The following STPG2 variants were observed in gnomAD, a reference collection of about 807,000 sequenced individuals.
The protein encoded by STPG2 is sperm tail PG-rich repeat containing 2.
In STPG2, 56 loss-of-function variants were observed where a neutral mutation model predicts 54.2. That is an observed-to-expected ratio of 1.03 (90% CI 0.83 to 1.29). The LOEUF (loss-of-function observed/expected upper bound fraction) is 1.29, where lower values mean the gene tolerates loss of function less well. Ranked by LOEUF, STPG2 falls within the 50% of genes most tolerant of loss-of-function variation. The pLI is 0.00. For synonymous variants in STPG2, 200 were observed against 181.8 expected (o/e 1.10, Z -0.81); for missense variants, 596 against 544.9 (o/e 1.09, Z -0.93).
intron 10 of STPG2, among the ~76,000 whole-genome samples, chr4:97,692,073 C>T (rs895132624): frequency 6.6e-6 from 1 of 151,834 alleles, no homozygotes; most frequent in African/African-American, 2.4e-5. Flanking sequence ...TATAGTCTAC[C>T]AAAATGAGAA....
At chr4:98,016,466 T>G (rs1234942644) in intron 5 of STPG2, among the ~76,000 whole-genome samples, 1 of 152,178 alleles carries the variant, frequency 6.6e-6, no homozygotes, top group Admixed American at 6.6e-5. Flanking sequence ...TCTTTTTGTT[T>G]CTCTAACTGG....
chr4:97,968,260 G>T (rs188616550), intron 7 of STPG2, among the ~76,000 whole-genome samples: 1 of 151,916 alleles, frequency 6.6e-6, no homozygotes, highest in Non-Finnish European at 1.5e-5. Context: ...TCACTGAATC[G>T]ACCAATAACA....
intron 10 of STPG2, among the ~76,000 whole-genome samples, chr4:97,655,146 A>G (rs1722186052): frequency 1.3e-5 from 2 of 152,110 alleles, no homozygotes; most frequent in Admixed American, 1.3e-4. Flanking sequence ...ATTTTCACTG[A>G]TAAAACATGG....
chr4:97,964,762 A>T (rs529548887), intron 7 of STPG2, among the ~76,000 whole-genome samples: 6 of 152,156 alleles, frequency 3.9e-5, no homozygotes, highest in Non-Finnish European at 8.8e-5. Context: ...CACACTATAC[A>T]TCTTAAAACT....
At chr4:98,008,269 A>C (rs1027573100) in intron 5 of STPG2, among the ~76,000 whole-genome samples, 4 of 151,510 alleles carry the variant, frequency 2.6e-5, no homozygotes, top group Non-Finnish European at 5.9e-5. Flanking sequence ...TACAAGCTAG[A>C]AGAGATTGGG....
At chr4:97,930,064 A>G (rs1264860764) in intron 8 of STPG2, among the ~76,000 whole-genome samples, 1 of 151,830 alleles carries the variant, frequency 6.6e-6, no homozygotes, top group Non-Finnish European at 1.5e-5. Context: ...ACGCCCAGCT[A>G]ATTTTTGTAT....
At chr4:97,765,028 T>C (rs566696343) in intron 9 of STPG2, among the ~76,000 whole-genome samples, 1 of 152,122 alleles carries the variant, frequency 6.6e-6, no homozygotes. Flanking sequence ...GTGGGTACTA[T>C]GTTTGTGTTC....
intron 7 of STPG2, among the ~76,000 whole-genome samples, chr4:97,969,957 A>C (rs942707435): frequency 1.3e-5 from 2 of 152,240 alleles, no homozygotes; most frequent in Admixed American, 6.5e-5. Flanking sequence ...CAACTTCAGC[A>C]AAGTCTCTGG....
intron 4 of STPG2, among the ~76,000 whole-genome samples, chr4:97,524,042 T>C (rs1444681125): frequency 6.6e-6 from 1 of 151,722 alleles, no homozygotes; most frequent in East Asian, 1.9e-4. Context: ...TGATCAGGCA[T>C]CCAACAAAGT....
intron 9 of STPG2, among the ~76,000 whole-genome samples, chr4:97,761,733 G>A (rs1303663708): frequency 1.3e-5 from 2 of 152,058 alleles, no homozygotes; most frequent in South Asian, 4.1e-4. Context: ...AATTAAGAAA[G>A]AACAAGATAA....
chr4:97,900,619 G>T (rs1341584432), intron 8 of STPG2, among the ~76,000 whole-genome samples: 1 of 152,060 alleles, frequency 6.6e-6, no homozygotes. Flanking sequence ...CATGTCTTTT[G>T]CAGAAACATG....
intron 10 of STPG2, among the ~76,000 whole-genome samples, chr4:97,617,464 C>G (rs1733905346): frequency 6.6e-6 from 1 of 152,134 alleles, no homozygotes; most frequent in South Asian, 2.1e-4. Context: ...CCGGGAAGTA[C>G]ACAGGAACTT....
At chr4:97,782,515 A>G (rs551090277) in intron 9 of STPG2, among the ~76,000 whole-genome samples, 53 of 152,358 alleles carry the variant, frequency 3.5e-4, no homozygotes, top group East Asian at 1.9e-3. Context: ...AAGGTAATTT[A>G]CACATTCAAT....
At chr4:97,663,223 G>A (rs1179074019) in intron 10 of STPG2, among the ~76,000 whole-genome samples, 1 of 151,994 alleles carries the variant, frequency 6.6e-6, no homozygotes, top group Non-Finnish European at 1.5e-5. Context: ...ACTATATGTA[G>A]GTCACTATTA....
intron 5 of STPG2, among the ~76,000 whole-genome samples, chr4:98,038,463 A>G (rs1736840458): frequency 6.6e-6 from 1 of 152,032 alleles, no homozygotes; most frequent in Non-Finnish European, 1.5e-5. Context: ...CAGAAGCACC[A>G]TTACAAATCA....
At chr4:97,471,632 G>T (rs1192555285) in intron 4 of STPG2, among the ~76,000 whole-genome samples, 1 of 152,088 alleles carries the variant, frequency 6.6e-6, no homozygotes, top group African/African-American at 2.4e-5. Flanking sequence ...TGGGAAAAAA[G>T]ATCAGCACCC....
chr4:98,137,068 T>G (rs1482116592), intron 1 of STPG2, among the ~76,000 whole-genome samples: 1 of 151,614 alleles, frequency 6.6e-6, no homozygotes, highest in Non-Finnish European at 1.5e-5. Context: ...GATTGTCAGA[T>G]TGAATAAAAA....
intron 7 of STPG2, among the ~76,000 whole-genome samples, chr4:97,964,284 T>G (rs1734005763): frequency 6.6e-6 from 1 of 152,078 alleles, no homozygotes. Context: ...GGAGAAAAAC[T>G]GTGAGTTCTG....
At chr4:97,835,155 C>G (rs527802396) in intron 9 of STPG2, among the ~76,000 whole-genome samples, 1 of 152,158 alleles carries the variant, frequency 6.6e-6, no homozygotes, top group East Asian at 1.9e-4. Context: ...GATAAAACAG[C>G]ATGCAGTAAA....
Sources: allele counts gnomAD v4.1 joint callset (sites outside exome capture counted in the v4.1 genomes callset), GRCh38; gene constraint gnomAD v4.1.1; transcripts MANE v1.5; gene names NCBI Gene and HGNC (gene_info 2026-07-23, HGNC 2026-07-21).